Variants in ANKRD45 observed in about 807,000 individuals in gnomAD.
The protein encoded by ANKRD45 is ankyrin repeat domain 45.
ANKRD45 carries 21 observed loss-of-function variants against 28.1 expected under a neutral mutation model. The observed-to-expected ratio is 0.75, with a 90% CI of 0.53 to 1.08. The LOEUF (loss-of-function observed/expected upper bound fraction) is 1.08. ANKRD45 is among the 50% of genes least tolerant of loss of function. The pLI, the probability that ANKRD45 is intolerant of heterozygous loss-of-function variation, is 0.00. For missense variants in ANKRD45, 261 were observed against 308.7 expected, an observed-to-expected ratio of 0.85 and a Z score of 1.16; for synonymous variants, 86 against 103.9, an observed-to-expected ratio of 0.83 and a Z score of 1.05.
chr1:173,669,526 C>G, intron 1 of ANKRD45: 1 of 455,136 alleles, frequency 2.2e-6, no homozygotes, highest in South Asian at 1.6e-5. Flanking sequence ...AGTGGCAGCG[C>G]CGCCAGGTGA....
the ANKRD45 span, among the ~76,000 whole-genome samples, chr1:173,692,813 A>C: frequency 2.0e-5 from 3 of 152,136 alleles, no homozygotes; most frequent in Admixed American, 2.0e-4. Context: ...TACCCACCTG[A>C]GCTCTTTCTC....
At chr1:173,696,509 G>T in the ANKRD45 span, among the ~76,000 whole-genome samples, 54 of 152,124 alleles carry the variant, frequency 3.5e-4, no homozygotes, top group Admixed American at 6.6e-4. Flanking sequence ...AGTTATCCCA[G>T]TACCATTTAC....
At chr1:173,705,633 C>A in the ANKRD45 span, among the ~76,000 whole-genome samples, 5 of 151,904 alleles carry the variant, frequency 3.3e-5, no homozygotes, top group African/African-American at 1.2e-4. Flanking sequence ...CACCACTGCA[C>A]TGTAGCCTGG....
intron 3 of ANKRD45, among the ~76,000 whole-genome samples, chr1:173,631,000 A>G (rs948301645): frequency 1.3e-5 from 2 of 152,052 alleles, no homozygotes; most frequent in Admixed American, 6.6e-5. Flanking sequence ...ATGTAAATGG[A>G]CTAAACTCTC....
intron 2 of ANKRD45, among the ~76,000 whole-genome samples, chr1:173,648,012 G>A (rs1049569035): frequency 2.6e-5 from 4 of 151,872 alleles, no homozygotes; most frequent in Non-Finnish European, 5.9e-5. Flanking sequence ...GCACGATCTC[G>A]GCTCACTGCA....
At chr1:173,706,776 T>C in the ANKRD45 span, among the ~76,000 whole-genome samples, 1 of 152,212 alleles carries the variant, frequency 6.6e-6, no homozygotes, top group East Asian at 1.9e-4. Context: ...TGAATAACCT[T>C]GTGCATAACT....
At chr1:173,626,928 G>A in intron 4 of ANKRD45, 137 bp downstream of exon 4, 2 of 589,182 alleles carry the variant, frequency 3.4e-6, no homozygotes, top group South Asian at 4.7e-5. Context: ...GGGAAGGTAG[G>A]AGGGAAGAAG....
At chr1:173,697,137 AC>A in the ANKRD45 span, among the ~76,000 whole-genome samples, 1,183 of 152,314 alleles carry the variant, frequency 7.8e-3, 9 homozygotes, top group Non-Finnish European at 0.01. Context: ...AAAACAATGA[AC>A]AAAGCCTCCA....
upstream of ANKRD45, among the ~76,000 whole-genome samples, chr1:173,670,902 C>G (rs563688083): frequency 2.0e-5 from 3 of 152,298 alleles, no homozygotes; most frequent in South Asian, 6.2e-4. Context: ...GCATGAAGAA[C>G]AGCAAAAGAG....
chr1:173,702,902 T>C, the ANKRD45 span, among the ~76,000 whole-genome samples: 1 of 151,810 alleles, frequency 6.6e-6, no homozygotes, highest in Non-Finnish European at 1.5e-5. Flanking sequence ...ATTTTTTTAT[T>C]TCTTTTACAG....
upstream of ANKRD45, among the ~76,000 whole-genome samples, chr1:173,674,277 G>A (rs61826769): frequency 0.16 from 23,724 of 151,992 alleles, 2,168 homozygotes; most frequent in Middle Eastern, 0.31. Flanking sequence ...GCCTCCCAAA[G>A]GGCTGGGATT....
intron 4 of ANKRD45, among the ~76,000 whole-genome samples, chr1:173,626,385 TA>T (rs1667938898): frequency 6.6e-6 from 1 of 152,206 alleles, no homozygotes; most frequent in South Asian, 2.1e-4. Flanking sequence ...AAGTGGGCTT[TA>T]AAATTACTGT....
intron 3 of ANKRD45, among the ~76,000 whole-genome samples, chr1:173,641,395 T>G (rs1484111350): frequency 1.3e-5 from 2 of 152,178 alleles, no homozygotes; most frequent in Admixed American, 6.6e-5. Context: ...CTCTCTCTGC[T>G]GTTTCCTGAA....
chr1:173,700,570 G>T, the ANKRD45 span, among the ~76,000 whole-genome samples: 3 of 152,158 alleles, frequency 2.0e-5, no homozygotes, highest in African/African-American at 7.2e-5. Flanking sequence ...AAGAAATGGG[G>T]AAAGGAGTCC....
intron 1 of ANKRD45, among the ~76,000 whole-genome samples, chr1:173,666,109 T>C (rs763389050): frequency 3.3e-5 from 5 of 152,212 alleles, no homozygotes; most frequent in South Asian, 2.1e-4. Context: ...GAAAAATAAC[T>C]AGGCCTGAAT....
the ANKRD45 span, among the ~76,000 whole-genome samples, chr1:173,693,901 C>G: frequency 2.6e-5 from 4 of 152,176 alleles, no homozygotes; most frequent in Non-Finnish European, 4.4e-5. Flanking sequence ...TTTTTAATAC[C>G]AAATTACTGG....
At chr1:173,641,990 A>G (rs1558132221) in intron 3 of ANKRD45, among the ~76,000 whole-genome samples, 1 of 152,218 alleles carries the variant, frequency 6.6e-6, no homozygotes, top group East Asian at 1.9e-4. Flanking sequence ...GAAAAATAGA[A>G]TAGCCTTAGA....
chr1:173,702,985 C>T, the ANKRD45 span, among the ~76,000 whole-genome samples: 1 of 152,036 alleles, frequency 6.6e-6, no homozygotes, highest in Non-Finnish European at 1.5e-5. Flanking sequence ...CCTGGACTCC[C>T]AAAGCACTGG....
chr1:173,616,744 T>C (rs1036492814), intron 5 of ANKRD45, among the ~76,000 whole-genome samples: 8 of 152,172 alleles, frequency 5.3e-5, no homozygotes, highest in African/African-American at 1.9e-4. Flanking sequence ...GGAACTGAGA[T>C]GGCCGATTAG....
Sources: allele counts gnomAD v4.1 joint callset (sites outside exome capture counted in the v4.1 genomes callset), GRCh38; gene constraint gnomAD v4.1.1; transcripts MANE v1.5; gene names NCBI Gene and HGNC (gene_info 2026-07-23, HGNC 2026-07-21).